The following IGF1R variants were observed in gnomAD, a reference collection of about 807,000 sequenced individuals.
IGF1R encodes the protein insulin-like growth factor 1 receptor.
In IGF1R, 44 loss-of-function variants were observed where a neutral mutation model predicts 144.6. The observed-to-expected ratio is 0.30, with a 90% CI of 0.24 to 0.39. IGF1R has a LOEUF of 0.39. Among genes scored for constraint, IGF1R ranks in the 10% least tolerant of loss-of-function variants. The probability of loss-of-function intolerance (pLI) is 1.00; values close to 1 mark genes in which losing one functional copy is unlikely to be tolerated. For synonymous variants in IGF1R, 795 were observed against 722.8 expected (o/e 1.10, Z -1.60); for missense variants, 1,355 against 1,833.7 (o/e 0.74, Z 4.77).
intron 2 of IGF1R, among the ~76,000 whole-genome samples, chr15:98,784,828 G>C (rs1185470531): frequency 6.6e-6 from 1 of 152,168 alleles, no homozygotes; most frequent in Non-Finnish European, 1.5e-5. Context: ...GAAAGTCTAT[G>C]AGACGATGTG....
chr15:98,718,603 G>A (rs1056476950), intron 2 of IGF1R, among the ~76,000 whole-genome samples: 5 of 152,214 alleles, frequency 3.3e-5, no homozygotes, highest in Non-Finnish European at 4.4e-5. Context: ...GCTGCAGTGC[G>A]CATACATCTG....
intron 2 of IGF1R, among the ~76,000 whole-genome samples, chr15:98,714,048 C>T (rs1261315061): frequency 3.3e-5 from 5 of 152,142 alleles, no homozygotes; most frequent in African/African-American, 1.2e-4. Flanking sequence ...AATGAGAAAC[C>T]AGGAAAATAG....
chr15:98,845,506 C>A (rs2011287068), intron 2 of IGF1R, among the ~76,000 whole-genome samples: 1 of 134,234 alleles, frequency 7.4e-6, no homozygotes. Context: ...TCTCCTCCTC[C>A]CTCCTCCTCC....
At chr15:98,846,020 T>G (rs531216019) in intron 2 of IGF1R, among the ~76,000 whole-genome samples, 1 of 152,342 alleles carries the variant, frequency 6.6e-6, no homozygotes, top group East Asian at 1.9e-4. Context: ...CCAGTGCTAT[T>G]TCCATTTAAC....
At chr15:98,908,179 G>T (rs530582997) in intron 5 of IGF1R, among the ~76,000 whole-genome samples, 24 of 152,194 alleles carry the variant, frequency 1.6e-4, no homozygotes, top group Non-Finnish European at 2.8e-4. Context: ...GAAGGCCCAG[G>T]GTTGACCCCC....
At chr15:98,883,904 G>C (rs1196606818) in intron 2 of IGF1R, among the ~76,000 whole-genome samples, 5 of 152,184 alleles carry the variant, frequency 3.3e-5, no homozygotes, top group Admixed American at 2.6e-4. Flanking sequence ...ACAGAAGGCA[G>C]CAAAAACCAA....
At position 98,957,569 on chromosome 15, in the gene IGF1R, T is replaced by C; in HGVS notation, c.*127T>C. ...CTCAGTGGATCTTCAGAACTGCCCT[T>C]GCTGCCCGCGGGAGACAGCTTCTCT... On this transcript the variant is annotated 3_prime_UTR_variant, in exon 21 of 21. Coordinates refer to ENST00000650285, the MANE Select transcript of IGF1R (RefSeq NM_000875.5). 6 of 1,215,808 alleles carry C rather than the reference T, an allele frequency of 4.9e-6. No individual in the cohort carries two copies. Among genetic ancestry groups the C allele is most frequent in the Non-Finnish European group, 7.1e-6 (6 of 842,376 alleles). The allele number at this position is 1,215,808 out of a possible 1,614,324, so 75.3% of individuals were successfully genotyped here.
intron 1 of IGF1R, among the ~76,000 whole-genome samples, chr15:98,681,549 T>C (rs544530153): frequency 7.9e-5 from 12 of 152,260 alleles, no homozygotes; most frequent in Admixed American, 5.9e-4. Flanking sequence ...AGAAGACAGC[T>C]TGGATGGCAT....
intron 8 of IGF1R, among the ~76,000 whole-genome samples, chr15:98,915,400 C>T (rs1255425634): frequency 2.0e-5 from 3 of 152,192 alleles, no homozygotes; most frequent in South Asian, 2.1e-4. Context: ...GGTGGACTTC[C>T]GTGTTCTTTG....
At chr15:98,667,251 C>T (rs1487002115) in intron 1 of IGF1R, among the ~76,000 whole-genome samples, 1 of 152,094 alleles carries the variant, frequency 6.6e-6, no homozygotes, top group Non-Finnish European at 1.5e-5. Context: ...TTTTCATTTT[C>T]TTATTTTTCC....
intron 2 of IGF1R, among the ~76,000 whole-genome samples, chr15:98,841,585 C>T (rs1299329085): frequency 1.3e-5 from 2 of 152,136 alleles, no homozygotes; most frequent in African/African-American, 2.4e-5. Context: ...TTGCCTGCCC[C>T]AGGGAGGAGT....
At chr15:98,923,360 G>A (rs1156650267) in intron 11 of IGF1R, among the ~76,000 whole-genome samples, 2 of 152,246 alleles carry the variant, frequency 1.3e-5, no homozygotes, top group Non-Finnish European at 2.9e-5. Flanking sequence ...GCCATCCTTC[G>A]TGCCTGCATA....
At chr15:98,854,321 C>T (rs959869636) in intron 2 of IGF1R, among the ~76,000 whole-genome samples, 3 of 152,112 alleles carry the variant, frequency 2.0e-5, no homozygotes, top group Non-Finnish European at 2.9e-5. Context: ...GTGCTTTCGC[C>T]ACAGTGAGCC....
At chr15:98,829,573 T>G (rs941124509) in intron 2 of IGF1R, among the ~76,000 whole-genome samples, 7 of 152,160 alleles carry the variant, frequency 4.6e-5, no homozygotes, top group Non-Finnish European at 8.8e-5. Flanking sequence ...GTGGAATAAT[T>G]TTTAACATTT....
intron 2 of IGF1R, among the ~76,000 whole-genome samples, chr15:98,737,756 T>G (rs1249239470): frequency 6.6e-6 from 1 of 151,418 alleles, no homozygotes; most frequent in Non-Finnish European, 1.5e-5. Flanking sequence ...TGAGGTAGAG[T>G]GGAGGGAGAA....
chr15:98,789,944 C>T (rs1287792472), intron 2 of IGF1R, among the ~76,000 whole-genome samples: 2 of 152,218 alleles, frequency 1.3e-5, no homozygotes, highest in Admixed American at 1.3e-4. Flanking sequence ...TGTACTCTGT[C>T]TGCCAACATT....
Position 98,943,962 on chromosome 15 carries a change from C to T in IGF1R, c.3587+910C>T, listed in dbSNP as rs191815277. ...GAAGACAGGTGCAAATTGGAAATAG[C>T]ATTTGAATATGACCCGGCAAAGCAT... On this transcript the variant is annotated intron_variant, in intron 19 of 20. Coordinates refer to ENST00000650285, the MANE Select transcript of IGF1R (RefSeq NM_000875.5). 3.0e-4 allele frequency among the ~76,000 whole-genome samples: 46 copies of T among 152,222 alleles called. No individual in the cohort carries two copies. In the East Asian group the frequency reaches 8.7e-3, roughly 29 times the overall value.
chr15:98,859,257 C>T (rs1180853508), intron 2 of IGF1R, among the ~76,000 whole-genome samples: 4 of 152,148 alleles, frequency 2.6e-5, no homozygotes, highest in African/African-American at 9.7e-5. Context: ...TTTAGTTTTG[C>T]AACAGCCGAT....
chr15:98,667,514 C>T (rs937104397), intron 1 of IGF1R, among the ~76,000 whole-genome samples: 1 of 152,238 alleles, frequency 6.6e-6, no homozygotes, highest in South Asian at 2.1e-4. Flanking sequence ...GACCATGGCA[C>T]GCATGCTGTG....
Sources: allele counts gnomAD v4.1 joint callset (sites outside exome capture counted in the v4.1 genomes callset), GRCh38; gene constraint gnomAD v4.1.1; transcripts MANE v1.5; gene names NCBI Gene and HGNC (gene_info 2026-07-23, HGNC 2026-07-21).